Variants in MIPOL1 observed in about 807,000 individuals in gnomAD.
MIPOL1 encodes the protein mirror-image polydactyly 1.
Under a neutral mutation model 60.9 loss-of-function variants are expected in MIPOL1, and 57 were observed. That is an observed-to-expected ratio of 0.94 (90% confidence interval 0.76 to 1.17). The LOEUF is 1.17. Ranked by LOEUF, MIPOL1 falls within the 50% of genes most tolerant of loss-of-function variation. MIPOL1 has a pLI of 0.00. For missense variants in MIPOL1, 551 were observed against 511.6 expected (o/e 1.08, Z -0.74); for synonymous variants, 179 against 168.8 (o/e 1.06, Z -0.47).
Position 37,206,702 on chromosome 14 carries a change from G to A in MIPOL1, c.-199+8598G>A, listed in dbSNP as rs545077792. 7.2e-4 allele frequency among the ~76,000 whole-genome samples: 109 copies of A among 152,352 alleles called. 1 individual carries two copies. Among genetic ancestry groups the A allele is most frequent in the African/African-American group, 2.4e-3 (99 of 41,576 alleles). On this transcript the variant is annotated intron_variant, in intron 1 of 12. Coordinates refer to ENST00000684589, the MANE Select transcript of MIPOL1 (RefSeq NM_001388067.1). The stretch of plus-strand genomic sequence containing the variant: ...TACCCTGCAAAGCCACAGGGGCAGA[G>A]CTGCCCAAGATGTAGGAACCCACCT...
chr14:37,447,820 T>C (rs1006372016), intron 11 of MIPOL1, among the ~76,000 whole-genome samples: 1 of 152,126 alleles, frequency 6.6e-6, no homozygotes, highest in Non-Finnish European at 1.5e-5. Context: ...TTTAATAATA[T>C]AGATGTAACG....
intron 10 of MIPOL1, among the ~76,000 whole-genome samples, chr14:37,387,125 CTTAA>C (rs2093094395): frequency 2.0e-5 from 3 of 151,656 alleles, no homozygotes; most frequent in African/African-American, 7.3e-5. Context: ...CAGACAGTAC[CTTAA>C]AGGAATTATA....
At chr14:37,217,339 A>G (rs1378978096) in intron 1 of MIPOL1, among the ~76,000 whole-genome samples, 1 of 152,152 alleles carries the variant, frequency 6.6e-6, no homozygotes, top group Non-Finnish European at 1.5e-5. Context: ...CTTAATACCA[A>G]TCCCACTCAA....
At chr14:37,299,353 T>A in intron 7 of MIPOL1, among the ~76,000 whole-genome samples, 1 of 152,052 alleles carries the variant, frequency 6.6e-6, no homozygotes, top group East Asian at 1.9e-4. Flanking sequence ...GACGAGTTAA[T>A]GGGTGCAGCA....
At chr14:37,358,681 G>A (rs999237194) in intron 9 of MIPOL1, among the ~76,000 whole-genome samples, 13 of 151,850 alleles carry the variant, frequency 8.6e-5, no homozygotes, top group African/African-American at 3.1e-4. Context: ...TTTTCACGGG[G>A]TTGCCTTTTT....
At chr14:37,542,829 T>C (rs2095534745) in intron 12 of MIPOL1, among the ~76,000 whole-genome samples, 1 of 152,226 alleles carries the variant, frequency 6.6e-6, no homozygotes, top group African/African-American at 2.4e-5. Flanking sequence ...CCCAGCACAA[T>C]GCCTGGCACA....
intron 11 of MIPOL1, among the ~76,000 whole-genome samples, chr14:37,449,210 T>G (rs1174089490): frequency 1.3e-5 from 2 of 152,252 alleles, no homozygotes; most frequent in African/African-American, 4.8e-5. Context: ...TCTTTTAACC[T>G]TCCTGTTAAT....
At chr14:37,271,102 C>G (rs1689760346) in intron 6 of MIPOL1, among the ~76,000 whole-genome samples, 1 of 151,954 alleles carries the variant, frequency 6.6e-6, no homozygotes, top group African/African-American at 2.4e-5. Flanking sequence ...ATTCTGGAGT[C>G]TATGTTTACT....
At chr14:37,498,294 G>A (rs2095163814) in intron 11 of MIPOL1, among the ~76,000 whole-genome samples, 1 of 152,058 alleles carries the variant, frequency 6.6e-6, no homozygotes, top group South Asian at 2.1e-4. Context: ...TTGTATATAT[G>A]CACTTTGTGT....
At position 37,548,616 on chromosome 14, in the gene MIPOL1, T is replaced by C. The variant is rs2095554149; in HGVS notation, c.*1645T>C. 1 of 151,938 alleles carries C rather than the reference T, an allele frequency of 6.6e-6. No individual in the cohort carries two copies. The highest frequency in any genetic ancestry group is 1.5e-5 in the Non-Finnish European group (1 of 67,832). 9.4% of individuals were successfully genotyped at this position (151,938 alleles called of 1,614,324 possible). A position where few individuals can be genotyped will look rare whatever the true frequency, so the allele number is the denominator to read the frequency against. ...AACAGCTCCCTATGTGAAGAAACAT[T>C]ATCTTTAAAGTCATCTGGGAGGTGC... is the stretch of plus-strand genomic sequence containing the variant. On this transcript the variant is annotated 3_prime_UTR_variant, in exon 13 of 13. Transcript: ENST00000684589.
intron 12 of MIPOL1, among the ~76,000 whole-genome samples, chr14:37,525,480 T>C (rs573123928): frequency 2.0e-5 from 3 of 152,336 alleles, no homozygotes; most frequent in Admixed American, 6.5e-5. Flanking sequence ...AAAAATATGA[T>C]TTTAAAATAT....
At chr14:37,361,396 T>A (rs2092230437) in intron 9 of MIPOL1, among the ~76,000 whole-genome samples, 1 of 152,070 alleles carries the variant, frequency 6.6e-6, no homozygotes, top group Non-Finnish European at 1.5e-5. Flanking sequence ...TAACCTTCTC[T>A]CTCATTGATC....
chr14:37,310,429 T>G (rs2153435780), intron 9 of MIPOL1, among the ~76,000 whole-genome samples: 1 of 152,304 alleles, frequency 6.6e-6, no homozygotes, highest in Admixed American at 6.5e-5. Context: ...AAAAGATAAC[T>G]TCTGCATGCC....
chr14:37,353,374 T>G (rs1199179079), intron 9 of MIPOL1, among the ~76,000 whole-genome samples: 11 of 126,844 alleles, frequency 8.7e-5, no homozygotes, highest in Admixed American at 1.7e-4. Context: ...TCTCTTTTTT[T>G]GTTGTGTCTC....
chr14:37,283,023 A>G (rs2084252112), intron 6 of MIPOL1, among the ~76,000 whole-genome samples: 1 of 151,862 alleles, frequency 6.6e-6, no homozygotes, highest in South Asian at 2.1e-4. Flanking sequence ...CTACTGTATC[A>G]ATTCCTCATG....
intron 7 of MIPOL1, among the ~76,000 whole-genome samples, chr14:37,290,627 A>C (rs2084972481): frequency 6.6e-6 from 1 of 152,084 alleles, no homozygotes; most frequent in Non-Finnish European, 1.5e-5. Context: ...ATCATTCTTT[A>C]ATAAGGTTTT....
intron 11 of MIPOL1, among the ~76,000 whole-genome samples, chr14:37,486,015 G>A (rs2094940499): frequency 1.3e-5 from 2 of 152,138 alleles, no homozygotes; most frequent in African/African-American, 4.8e-5. Flanking sequence ...TGTATAAGAT[G>A]TAAGGAAGGG....
At chr14:37,357,628 T>C (rs747779285) in intron 9 of MIPOL1, among the ~76,000 whole-genome samples, 17 of 152,208 alleles carry the variant, frequency 1.1e-4, no homozygotes, top group Admixed American at 2.0e-4. Flanking sequence ...TCCAATAGAG[T>C]TGTTTGAGCT....
intron 12 of MIPOL1, among the ~76,000 whole-genome samples, chr14:37,500,802 C>T (rs1019967170): frequency 3.3e-5 from 5 of 152,102 alleles, no homozygotes; most frequent in African/African-American, 1.2e-4. Flanking sequence ...TCTGAGACAC[C>T]TTTAATGTAA....
Sources: gnomAD v4.1 joint callset for allele counts (sites outside exome capture counted in the v4.1 genomes callset) on GRCh38, gnomAD v4.1.1 for gene constraint, MANE v1.5 for transcripts, NCBI Gene and HGNC (gene_info 2026-07-23, HGNC 2026-07-21) for gene names.